The following XPR1 variants were observed in gnomAD, a reference collection of about 807,000 sequenced individuals.
XPR1 encodes solute carrier family 53 member 1.
A neutral mutation model predicts 87.5 loss-of-function variants in XPR1; 28 were observed. The ratio of observed to expected loss-of-function variants is 0.32; its 90% CI spans 0.24 to 0.44. The LOEUF (loss-of-function observed/expected upper bound fraction) is 0.44, where lower values mean the gene tolerates loss of function less well. Among genes scored for constraint, XPR1 ranks in the 20% least tolerant of loss-of-function variants. The pLI, the probability that XPR1 is intolerant of heterozygous loss-of-function variation, is 1.00. For missense variants in XPR1, 559 were observed against 862.3 expected, an observed-to-expected ratio of 0.65 and a Z score of 4.41; for synonymous variants, 300 against 306.1, an observed-to-expected ratio of 0.98 and a Z score of 0.21.
chr1:180,853,175 G>T (rs1027603520), intron 11 of XPR1, among the ~76,000 whole-genome samples: 1 of 151,888 alleles, frequency 6.6e-6, no homozygotes, highest in African/African-American at 2.4e-5. Context: ...TTTTCCACCC[G>T]CCTCGGCCTC....
chr1:180,746,325 T>G (rs61809355), intron 2 of XPR1, among the ~76,000 whole-genome samples: 8,096 of 152,252 alleles, frequency 0.053, 311 homozygotes, highest in Non-Finnish European at 0.078. Flanking sequence ...TGTATGCCTT[T>G]GAGTACCCAT....
intron 2 of XPR1, among the ~76,000 whole-genome samples, chr1:180,688,306 C>G (rs1339637136): frequency 6.6e-6 from 1 of 151,520 alleles, no homozygotes; most frequent in East Asian, 1.9e-4. Flanking sequence ...CCAGGCTGGT[C>G]TCGAACTCCT....
At chr1:180,832,689 A>C (rs961019328) in intron 9 of XPR1, among the ~76,000 whole-genome samples, 3 of 152,166 alleles carry the variant, frequency 2.0e-5, no homozygotes, top group African/African-American at 7.2e-5. Flanking sequence ...ATCAAAGATC[A>C]AATGGTTGTG....
Position 180,701,852 on chromosome 1 carries a change from G to A in XPR1, c.121+19441G>A, listed in dbSNP as rs1415682872. On this transcript the variant is annotated intron_variant, in intron 2 of 14. Coordinates refer to ENST00000367590, the MANE Select transcript of XPR1 (RefSeq NM_004736.4). ...TTTTTTCTTTATTAGTCTTGCTAGCGGTCTATCAATTTTGTTGATCCTTTC... is the reference window on the plus strand; with the variant it reads ...TTTTTTCTTTATTAGTCTTGCTAGCAGTCTATCAATTTTGTTGATCCTTTC... Among the ~76,000 whole-genome samples the A allele has an allele frequency of 2.2e-5, 3 of 134,628 alleles. 1 individual carries two copies. The highest frequency in any genetic ancestry group is 4.6e-4 in the South Asian group (2 of 4,376). 88.3% of individuals were successfully genotyped at this position (134,628 alleles called of 152,430 possible). A position where few individuals can be genotyped will look rare whatever the true frequency, so the allele number is the denominator to read the frequency against.
Position 180,715,379 on chromosome 1 carries a change from G to A in XPR1, c.121+32968G>A, listed in dbSNP as rs553128006. ...ACAGACCATGCTATAACGAATCTTGGACTCATAGAATCTTAGAATGGATAA... is the reference window on the plus strand; with the variant it reads ...ACAGACCATGCTATAACGAATCTTGAACTCATAGAATCTTAGAATGGATAA... On this transcript the variant is annotated intron_variant, in intron 2 of 14. Coordinates refer to ENST00000367590, the MANE Select transcript of XPR1 (RefSeq NM_004736.4). 3.9e-5 allele frequency among the ~76,000 whole-genome samples: 6 copies of A among 152,242 alleles called. No homozygotes were observed. The South Asian group carries it at 1.2e-3, about 32-fold the overall frequency.
chr1:180,852,877 T>G (rs1274625248), intron 11 of XPR1, among the ~76,000 whole-genome samples: 1 of 152,210 alleles, frequency 6.6e-6, no homozygotes, highest in African/African-American at 2.4e-5. Context: ...TTATTATTAT[T>G]GCTAGTCTCT....
At chr1:180,758,442 C>G (rs1213101685) in intron 2 of XPR1, among the ~76,000 whole-genome samples, 1 of 152,168 alleles carries the variant, frequency 6.6e-6, no homozygotes, top group Non-Finnish European at 1.5e-5. Context: ...GCCATGGTTG[C>G]TCATGCCTGT....
intron 1 of XPR1, among the ~76,000 whole-genome samples, chr1:180,668,417 C>T (rs1656042018): frequency 6.6e-6 from 1 of 152,188 alleles, no homozygotes; most frequent in African/African-American, 2.4e-5. Context: ...GCGTGAGCCA[C>T]TGCACCCAGC....
chr1:180,655,424 A>T, intron 1 of XPR1, among the ~76,000 whole-genome samples: 1 of 141,910 alleles, frequency 7.0e-6, no homozygotes, highest in Non-Finnish European at 1.5e-5. Flanking sequence ...TTTTTGAGAC[A>T]GGGTCTCATT....
Position 180,786,901 on chromosome 1 carries a change from G to A in XPR1, c.122-852G>A, listed in dbSNP as rs1384265252. Among the ~76,000 whole-genome samples, 3 of 152,214 alleles carry A rather than the reference G, an allele frequency of 2.0e-5. No individual in the cohort carries two copies. In the East Asian group the frequency reaches 5.8e-4, roughly 29 times the overall value. Reference sequence around the variant, plus strand: ...TATGTTACCTTCCCAGCTCCTGAAGGTTTGGAACTTGTAATTTACACTCTT... The same window carrying A: ...TATGTTACCTTCCCAGCTCCTGAAGATTTGGAACTTGTAATTTACACTCTT... On this transcript the variant is annotated intron_variant, in intron 2 of 14. Transcript: ENST00000367590.
intron 1 of XPR1, among the ~76,000 whole-genome samples, chr1:180,680,703 A>G (rs901051190): frequency 6.6e-6 from 1 of 152,166 alleles, no homozygotes; most frequent in Non-Finnish European, 1.5e-5. Context: ...CAATCCCACT[A>G]CTGGGCATTT....
chr1:180,818,566 C>G (rs1650498497), intron 7 of XPR1, among the ~76,000 whole-genome samples: 1 of 151,856 alleles, frequency 6.6e-6, no homozygotes, highest in African/African-American at 2.4e-5. Context: ...TATTGCTTAC[C>G]CCAAAATAAA....
At chr1:180,769,720 T>G (rs1648436168) in intron 2 of XPR1, among the ~76,000 whole-genome samples, 1 of 152,220 alleles carries the variant, frequency 6.6e-6, no homozygotes, top group African/African-American at 2.4e-5. Flanking sequence ...TTGGCTATTG[T>G]GAACGGCTGC....
At chr1:180,804,720 T>A (rs1311872181) in intron 4 of XPR1, among the ~76,000 whole-genome samples, 1 of 152,166 alleles carries the variant, frequency 6.6e-6, no homozygotes, top group Non-Finnish European at 1.5e-5. Context: ...TACTTTGTTC[T>A]TTAGTGATTT....
intron 9 of XPR1, among the ~76,000 whole-genome samples, chr1:180,829,301 T>C (rs1650973191): frequency 6.6e-6 from 1 of 152,218 alleles, no homozygotes; most frequent in Non-Finnish European, 1.5e-5. Flanking sequence ...TCCAGAATTG[T>C]CTCTGGCTTT....
Position 180,886,154 on chromosome 1 carries a change from G to A in XPR1, c.*2088G>A, listed in dbSNP as rs1653003292. ...AGTGTTAACAATTTAGTGACCCTTGGTAGGTTAAAGGTTGCATTATTTATA... is the reference window on the plus strand; with the variant it reads ...AGTGTTAACAATTTAGTGACCCTTGATAGGTTAAAGGTTGCATTATTTATA... On this transcript the variant is annotated 3_prime_UTR_variant, in exon 15 of 15. Transcript: ENST00000367590. 6.6e-6 allele frequency: 1 copy of A among 152,118 alleles called. No individual in the cohort carries two copies. Among genetic ancestry groups the A allele is most frequent in the East Asian group, 1.9e-4 (1 of 5,198 alleles). 9.4% of individuals were successfully genotyped at this position (152,118 alleles called of 1,614,324 possible).
intron 2 of XPR1, among the ~76,000 whole-genome samples, chr1:180,744,991 A>G (rs1226022456): frequency 6.6e-6 from 1 of 152,000 alleles, no homozygotes; most frequent in Non-Finnish European, 1.5e-5. Flanking sequence ...GTGATTTGTG[A>G]TTTCAATATT....
chr1:180,648,047 A>T (rs1390074879), intron 1 of XPR1, among the ~76,000 whole-genome samples: 6 of 152,182 alleles, frequency 3.9e-5, no homozygotes, highest in Non-Finnish European at 8.8e-5. Flanking sequence ...AGATAGACCA[A>T]GGACCTGAAT....
At chr1:180,847,089 G>T (rs903397114) in intron 11 of XPR1, among the ~76,000 whole-genome samples, 1 of 152,034 alleles carries the variant, frequency 6.6e-6, no homozygotes, top group Admixed American at 6.5e-5. Context: ...CTTCTCAAAC[G>T]AAGTAAATAT....
Sources: gnomAD v4.1 joint callset for allele counts (sites outside exome capture counted in the v4.1 genomes callset) on GRCh38, gnomAD v4.1.1 for gene constraint, MANE v1.5 for transcripts, NCBI Gene and HGNC (gene_info 2026-07-23, HGNC 2026-07-21) for gene names.